ATP8B4: variants seen among roughly 807,000 people sequenced by gnomAD.
The protein encoded by ATP8B4 is probable phospholipid-transporting ATPase IM.
In ATP8B4, 133 loss-of-function variants were observed where a neutral mutation model predicts 145.6. The observed-to-expected ratio is 0.91, with a 90% confidence interval of 0.79 to 1.05. The LOEUF is 1.05. Ranked by LOEUF, ATP8B4 falls within the 50% of genes least tolerant of loss-of-function variation. ATP8B4 has a pLI of 0.00. For synonymous variants in ATP8B4, 507 were observed against 492.9 expected (o/e 1.03, Z -0.38); for missense variants, 1,458 against 1,425.2 (o/e 1.02, Z -0.37).
chr15:50,155,889 A>G (rs2044403898), intron 1 of ATP8B4, among the ~76,000 whole-genome samples: 1 of 151,742 alleles, frequency 6.6e-6, no homozygotes, highest in Non-Finnish European at 1.5e-5. Context: ...AGGTCATCTA[A>G]TGAAGGCTGT....
chr15:49,994,953 C>A (rs1028934690), intron 9 of ATP8B4, among the ~76,000 whole-genome samples: 1 of 152,042 alleles, frequency 6.6e-6, no homozygotes, highest in African/African-American at 2.4e-5. Flanking sequence ...TACCCTTAGC[C>A]CAGTGCAGTG....
chr15:50,153,699 A>G (rs1272553377), intron 1 of ATP8B4, among the ~76,000 whole-genome samples: 1 of 152,238 alleles, frequency 6.6e-6, no homozygotes, highest in Non-Finnish European at 1.5e-5. Context: ...AATCACGTGC[A>G]ACAAGATAAA....
intron 3 of ATP8B4, 55 bp downstream of exon 3, chr15:50,074,072 C>G: frequency 6.8e-7 from 1 of 1,476,588 alleles, no homozygotes; most frequent in South Asian, 1.2e-5. Context: ...ATGCATCCCA[C>G]TGTCTTTAGG....
intron 3 of ATP8B4, among the ~76,000 whole-genome samples, chr15:50,069,573 A>AAT (rs1247636812): frequency 6.6e-6 from 1 of 152,164 alleles, no homozygotes; most frequent in Non-Finnish European, 1.5e-5. Flanking sequence ...CAGATTGTAA[A>AAT]ATTGTGTATC....
intron 3 of ATP8B4, among the ~76,000 whole-genome samples, chr15:50,056,701 G>GTA (rs538243168): frequency 0.033 from 4,758 of 144,146 alleles, 216 homozygotes; most frequent in African/African-American, 0.11. Flanking sequence ...ATGTATATGT[G>GTA]TATATATATA....
chr15:49,868,315 T>C (rs891562808), intron 25 of ATP8B4, among the ~76,000 whole-genome samples: 1 of 152,206 alleles, frequency 6.6e-6, no homozygotes, highest in Non-Finnish European at 1.5e-5. Flanking sequence ...AGAAAAAGAC[T>C]GACTCAAGGA....
intron 2 of ATP8B4, among the ~76,000 whole-genome samples, chr15:50,093,687 T>C (rs2055759757): frequency 6.6e-6 from 1 of 152,114 alleles, no homozygotes; most frequent in African/African-American, 2.4e-5. Flanking sequence ...GTAAGTAGAC[T>C]AAATATTCTA....
chr15:49,863,670 T>C (rs1246956165), intron 26 of ATP8B4, among the ~76,000 whole-genome samples: 2 of 152,192 alleles, frequency 1.3e-5, no homozygotes, highest in African/African-American at 2.4e-5. Context: ...TGATTCCAGT[T>C]GCCTTCAGCC....
intron 2 of ATP8B4, among the ~76,000 whole-genome samples, chr15:50,076,494 AAAAAAAG>A (rs574542014): frequency 7.9e-5 from 12 of 152,030 alleles, no homozygotes; most frequent in East Asian, 1.9e-4. Flanking sequence ...CCATCTCAAA[AAAAAAAG>A]AAAAAAGAAA....
intron 24 of ATP8B4, 115 bp from the exon 25 acceptor site, chr15:49,876,638 C>G (rs1315555253): frequency 7.3e-7 from 1 of 1,370,970 alleles, no homozygotes. Context: ...AAATGCACTA[C>G]TCACTGGGCC....
At chr15:50,062,507 A>C (rs904945917) in intron 3 of ATP8B4, among the ~76,000 whole-genome samples, 1 of 152,150 alleles carries the variant, frequency 6.6e-6, no homozygotes, top group Non-Finnish European at 1.5e-5. Context: ...CTTTATGGCA[A>C]TGCAAGAACA....
chr15:49,896,923 A>G (rs1004612474), intron 23 of ATP8B4: 7 of 197,862 alleles, frequency 3.5e-5, no homozygotes, highest in African/African-American at 1.4e-4. Context: ...CCATCTTCCC[A>G]GTAAAGATAC....
chr15:49,943,021 G>A (rs1220763566), intron 14 of ATP8B4, among the ~76,000 whole-genome samples: 1 of 151,394 alleles, frequency 6.6e-6, no homozygotes, highest in Non-Finnish European at 1.5e-5. Flanking sequence ...TCAACAAAAA[G>A]ACTTTAAAAA....
chr15:49,993,336 T>C (rs1422973032), intron 9 of ATP8B4, among the ~76,000 whole-genome samples: 1 of 151,624 alleles, frequency 6.6e-6, no homozygotes, highest in African/African-American at 2.4e-5. Context: ...GAAAGAAGAA[T>C]GGTGAAATGG....
At chr15:50,117,582 T>C (rs1337926152) in intron 1 of ATP8B4, among the ~76,000 whole-genome samples, 1 of 152,130 alleles carries the variant, frequency 6.6e-6, no homozygotes, top group African/African-American at 2.4e-5. Flanking sequence ...TAGGTTAAAA[T>C]AAATCACTCT....
At chr15:50,096,411 G>A (rs73400880) in intron 2 of ATP8B4, among the ~76,000 whole-genome samples, 3,882 of 152,174 alleles carry the variant, frequency 0.026, 163 homozygotes, top group African/African-American at 0.09. Flanking sequence ...TGCTCTATGT[G>A]AATAAAGTTA....
intron 2 of ATP8B4, among the ~76,000 whole-genome samples, chr15:50,103,656 C>T (rs952486415): frequency 8.6e-5 from 13 of 152,032 alleles, no homozygotes; most frequent in Non-Finnish European, 1.8e-4. Flanking sequence ...GACTATACTG[C>T]CAAAAGCAAT....
rs181494665 is a variant in ATP8B4, at chr15:50,096,172, G to A, written c.28+10767C>T. ...ACCACTGGGGTGCAATGAAGGAGACGGAGGCAGAGCAGCCTGAGAAGCAAG... is the reference window on the plus strand; with the variant it reads ...ACCACTGGGGTGCAATGAAGGAGACAGAGGCAGAGCAGCCTGAGAAGCAAG... On this transcript the variant is annotated intron_variant, in intron 2 of 27. Coordinates refer to ENST00000284509, the MANE Select transcript of ATP8B4 (RefSeq NM_024837.4). Among the ~76,000 whole-genome samples the A allele has an allele frequency of 2.4e-3, 363 of 152,280 alleles. 1 individual carries two copies. Among genetic ancestry groups the A allele is most frequent in the Non-Finnish European group, 2.3e-3 (155 of 68,020 alleles).
chr15:50,099,819 A>G (rs1034357057), intron 2 of ATP8B4, among the ~76,000 whole-genome samples: 6 of 151,992 alleles, frequency 3.9e-5, no homozygotes, highest in African/African-American at 1.2e-4. Flanking sequence ...CGGGCAGATC[A>G]CCTGAGGTCA....
Sources: gnomAD v4.1 joint callset for allele counts (sites outside exome capture counted in the v4.1 genomes callset) on GRCh38, gnomAD v4.1.1 for gene constraint, MANE v1.5 for transcripts, NCBI Gene and HGNC (gene_info 2026-07-23, HGNC 2026-07-21) for gene names.